ME2: variants seen among roughly 807,000 people sequenced by gnomAD.
ME2 encodes malic enzyme 2, also known as NAD-dependent malic enzyme, mitochondrial.
ME2 carries 60 observed loss-of-function variants against 73.7 expected under a neutral mutation model. The observed-to-expected ratio is 0.81, with a 90% CI of 0.66 to 1.01. ME2 has a LOEUF of 1.01. Among genes scored for constraint, ME2 ranks in the 50% least tolerant of loss-of-function variants. The pLI is 0.00. For synonymous variants in ME2, 199 were observed against 236.9 expected, an observed-to-expected ratio of 0.84 and a Z score of 1.47; for missense variants, 594 against 705.5, an observed-to-expected ratio of 0.84 and a Z score of 1.79.
intron 7 of ME2, among the ~76,000 whole-genome samples, chr18:50,918,702 CTT>C (rs34143282): frequency 3.5e-5 from 5 of 141,720 alleles, no homozygotes; most frequent in Non-Finnish European, 3.1e-5. Context: ...CCACCTTTCT[CTT>C]TTTTTTTTTT....
chr18:50,907,679 T>C (rs1241547000), intron 2 of ME2, among the ~76,000 whole-genome samples: 1 of 152,220 alleles, frequency 6.6e-6, no homozygotes, highest in Non-Finnish European at 1.5e-5. Context: ...TTTTGTTAGC[T>C]TGTAATATCC....
intron 12 of ME2, among the ~76,000 whole-genome samples, chr18:50,930,458 T>G (rs969745214): frequency 6.6e-6 from 1 of 152,150 alleles, no homozygotes; most frequent in African/African-American, 2.4e-5. Flanking sequence ...AAAAAAAATC[T>G]TCATAGTTGA....
In ME2 at chr18:50,917,509, G is replaced by T. The variant is rs202211726; in HGVS notation, c.630+1G>T. 103 of 1,565,358 alleles carry T rather than the reference G, an allele frequency of 6.6e-5. No homozygotes were observed. The highest frequency in any genetic ancestry group is 1.7e-4 in the Middle Eastern group (1 of 5,846). ...TATTGATGTGGGAACTGATAATATC[G>T]TGAGTAACATCATTTTCCCCCTTTA... is the stretch of plus-strand genomic sequence containing the variant. On this transcript the variant is annotated splice_donor_variant, in intron 6 of 15. Coordinates refer to ENST00000321341, the MANE Select transcript of ME2 (RefSeq NM_002396.5). LOFTEE classifies it high-confidence loss of function.
intron 12 of ME2, among the ~76,000 whole-genome samples, chr18:50,926,648 G>C (rs755379918): frequency 2.0e-5 from 3 of 152,162 alleles, no homozygotes; most frequent in Non-Finnish European, 4.4e-5. Context: ...TATGGTTAGA[G>C]ATATATCTCA....
chr18:50,926,374 G>A (rs1443889885), intron 12 of ME2, among the ~76,000 whole-genome samples: 2 of 152,086 alleles, frequency 1.3e-5, no homozygotes, highest in African/African-American at 4.8e-5. Context: ...GTAAATACTT[G>A]AGCATTTTGA....
chr18:50,944,511 T>G (rs1332054346), intron 15 of ME2, among the ~76,000 whole-genome samples: 2 of 152,162 alleles, frequency 1.3e-5, no homozygotes, highest in Admixed American at 6.5e-5. Context: ...TGTGTGCTCC[T>G]CTGACAGCCA....
chr18:50,907,704 C>T (rs1341877849), intron 2 of ME2, among the ~76,000 whole-genome samples: 1 of 152,134 alleles, frequency 6.6e-6, no homozygotes, highest in Non-Finnish European at 1.5e-5. Flanking sequence ...GAACTAGAAA[C>T]AATGCTACAA....
intron 1 of ME2, among the ~76,000 whole-genome samples, chr18:50,883,237 C>G (rs1916366123): frequency 6.6e-6 from 1 of 152,140 alleles, no homozygotes; most frequent in Non-Finnish European, 1.5e-5. Flanking sequence ...AGTCCAGATT[C>G]ACTCTCCAGT....
At chr18:50,918,717 T>TTG (rs1170781126) in intron 7 of ME2, among the ~76,000 whole-genome samples, 1 of 151,558 alleles carries the variant, frequency 6.6e-6, no homozygotes, top group Non-Finnish European at 1.5e-5. Flanking sequence ...TTTTTTTTTT[T>TTG]GTCATCTTCA....
chr18:50,890,040 T>A (rs1916568136), intron 1 of ME2, among the ~76,000 whole-genome samples: 1 of 152,108 alleles, frequency 6.6e-6, no homozygotes, highest in South Asian at 2.1e-4. Context: ...TTAGCTGAAG[T>A]GATTTCAAAA....
At chr18:50,897,679 G>A (rs1916779077) in intron 2 of ME2, among the ~76,000 whole-genome samples, 1 of 151,938 alleles carries the variant, frequency 6.6e-6, no homozygotes, top group African/African-American at 2.4e-5. Flanking sequence ...TGACCAACAC[G>A]GAGAAACCCC....
At chr18:50,894,058 G>A (rs767242235) in intron 1 of ME2, among the ~76,000 whole-genome samples, 63 of 152,118 alleles carry the variant, frequency 4.1e-4, no homozygotes, top group Non-Finnish European at 7.1e-4. Flanking sequence ...CCCTGACTGC[G>A]TCATATTTAA....
chr18:50,945,383 GT>G (rs1918060645), intron 15 of ME2: 1 of 152,148 alleles, frequency 6.6e-6, no homozygotes, highest in African/African-American at 2.4e-5. Context: ...GCCTCCCAAA[GT>G]GCTGGGATCA....
chr18:50,942,246 G>C (rs1455302939), intron 15 of ME2, among the ~76,000 whole-genome samples: 2 of 152,082 alleles, frequency 1.3e-5, no homozygotes, highest in African/African-American at 4.8e-5. Flanking sequence ...ATTATTTATT[G>C]ATTAATGCGT....
rs1007741261 is a variant in ME2 at position 50,950,475 on chromosome 18, T to TTCTTTTTTTTC, written c.*3292_*3293insCTTTTTTTTCT. The TTCTTTTTTTTC allele has an allele frequency of 3.3e-4, 42 of 127,802 alleles. No homozygotes were observed. Among genetic ancestry groups the TTCTTTTTTTTC allele is most frequent in the Non-Finnish European group, 6.8e-4 (41 of 60,214 alleles). The allele number at this position is 127,802 out of a possible 1,614,324, so 7.9% of individuals were successfully genotyped here. On this transcript the variant is annotated 3_prime_UTR_variant, in exon 16 of 16. Transcript: ENST00000321341. ...TGGGGCCTCAGATTCTGCTTTTTTT[T>TTCTTTTTTTTC]TTTTTTTTTTTTTTTTTTTTAAACA... is the stretch of plus-strand genomic sequence containing the variant.
chr18:50,931,819 C>T lies in ME2; in HGVS notation c.1315-439C>T, dbSNP rs149063050. 2.3e-3 allele frequency among the ~76,000 whole-genome samples: 349 copies of T among 152,032 alleles called. 2 individuals carry two copies. The highest frequency in any genetic ancestry group is 8.2e-3 in the African/African-American group (341 of 41,456). On this transcript the variant is annotated intron_variant, in intron 12 of 15. Transcript: ENST00000321341. Reference sequence around the variant, plus strand: ...GCTCCTGAGTAGCTGAGATTACAGGCATGGGCCAACACACCCAGCTAATTT... The same window carrying T: ...GCTCCTGAGTAGCTGAGATTACAGGTATGGGCCAACACACCCAGCTAATTT...
chr18:50,879,458 G>T (rs1599076564), intron 1 of ME2, 150 bp downstream of exon 1: 1 of 152,442 alleles, frequency 6.6e-6, no homozygotes, highest in East Asian at 1.9e-4. Context: ...GGTGGGGGCT[G>T]GGGGAAGGGA....
At chr18:50,922,816 T>C (rs633145) in intron 10 of ME2, among the ~76,000 whole-genome samples, 2,533 of 152,332 alleles carry the variant, frequency 0.017, 63 homozygotes, top group African/African-American at 0.056. Context: ...TGGCTTCTTA[T>C]GTCACTGTTT....
At chr18:50,901,182 A>C (rs898476813) in intron 2 of ME2, among the ~76,000 whole-genome samples, 2 of 152,206 alleles carry the variant, frequency 1.3e-5, no homozygotes, top group African/African-American at 4.8e-5. Context: ...CTAGTGAGGC[A>C]CTGGCTACAT....
Sources: allele counts gnomAD v4.1 joint callset (sites outside exome capture counted in the v4.1 genomes callset), GRCh38; gene constraint gnomAD v4.1.1; transcripts MANE v1.5; gene names NCBI Gene and HGNC (gene_info 2026-07-23, HGNC 2026-07-21).